Variants in MTRES1 observed in about 807,000 individuals in gnomAD.
MTRES1 encodes the protein uncharacterized protein C6orf203.
MTRES1 carries 11 observed loss-of-function variants against 17.4 expected under a neutral mutation model. That is an observed-to-expected ratio of 0.63 (90% CI 0.40 to 1.05). The LOEUF is 1.05. Ranked by LOEUF, MTRES1 falls within the 50% of genes least tolerant of loss-of-function variation. The pLI, the probability that MTRES1 is intolerant of heterozygous loss-of-function variation, is 0.00. For synonymous variants in MTRES1, 94 were observed against 99.6 expected, an observed-to-expected ratio of 0.94 and a Z score of 0.34; for missense variants, 268 against 276.2, an observed-to-expected ratio of 0.97 and a Z score of 0.21.
chr6:107,032,926 C>T lies in MTRES1; in HGVS notation c.-13+4655C>T, dbSNP rs565084803. Among the ~76,000 whole-genome samples the T allele has an allele frequency of 5.9e-5, 9 of 152,240 alleles. No individual in the cohort carries two copies. In the South Asian group the frequency reaches 6.2e-4, roughly 11 times the overall value. On this transcript the variant is annotated intron_variant, in intron 1 of 3. Coordinates refer to ENST00000311381, the MANE Select transcript of MTRES1 (RefSeq NM_016487.5). ...CAGCTGGTGCAGGGTTCAGCCTCCCCGGACCTGCTTTCACATCTGTGCCCT... is the reference window on the plus strand; with the variant it reads ...CAGCTGGTGCAGGGTTCAGCCTCCCTGGACCTGCTTTCACATCTGTGCCCT...
intron 1 of MTRES1, among the ~76,000 whole-genome samples, chr6:107,032,886 C>T (rs1773890275): frequency 6.6e-6 from 1 of 152,118 alleles, no homozygotes; most frequent in African/African-American, 2.4e-5. Context: ...TTGTAGGCAT[C>T]CTTGCTCTGC....
At chr6:107,030,674 C>T (rs951302803) in intron 1 of MTRES1, among the ~76,000 whole-genome samples, 3 of 152,080 alleles carry the variant, frequency 2.0e-5, no homozygotes, top group Non-Finnish European at 4.4e-5. Context: ...CCAAAATTTC[C>T]GCCGCCCAGA....
At chr6:107,040,309 A>G (rs1774159571) in intron 2 of MTRES1, 79 bp downstream of exon 2, 4 of 1,323,094 alleles carry the variant, frequency 3.0e-6, no homozygotes, top group African/African-American at 3.0e-5. Context: ...CACTTGGCCC[A>G]TATTATGGTG....
intron 3 of MTRES1, 130 bp from the exon 4 acceptor site, chr6:107,050,927 G>C: frequency 2.7e-6 from 2 of 739,376 alleles, no homozygotes; most frequent in Non-Finnish European, 4.6e-6. Context: ...CAGTGACTAA[G>C]GTCAGGGCCT....
chr6:107,030,019 T>C (rs1773783391), intron 1 of MTRES1: 3 of 709,538 alleles, frequency 4.2e-6, no homozygotes, highest in Non-Finnish European at 7.8e-6. Context: ...CTGTTTCCCC[T>C]ACTAGACTAT....
At chr6:107,049,653 T>C (rs1774523854) in intron 3 of MTRES1, among the ~76,000 whole-genome samples, 1 of 150,844 alleles carries the variant, frequency 6.6e-6, no homozygotes, top group African/African-American at 2.4e-5. Context: ...GACCTTATGA[T>C]CTGCCCACCT....
At chr6:107,040,948 T>A (rs149790694) in intron 2 of MTRES1, 1 of 151,812 alleles carries the variant, frequency 6.6e-6, no homozygotes, top group East Asian at 1.9e-4. Flanking sequence ...ACGCTTTGGC[T>A]GGGCGCAGTG....
intron 1 of MTRES1, chr6:107,030,171 G>A: frequency 1.4e-6 from 1 of 718,492 alleles, no homozygotes; most frequent in Non-Finnish European, 2.6e-6. Context: ...GAGTCAAATT[G>A]GCAGATGAGG....
At chr6:107,036,148 C>T (rs1047974157) in intron 1 of MTRES1, among the ~76,000 whole-genome samples, 2 of 151,960 alleles carry the variant, frequency 1.3e-5, no homozygotes, top group African/African-American at 4.8e-5. Context: ...AACACTGGGC[C>T]GTGGCTATAC....
intron 1 of MTRES1, among the ~76,000 whole-genome samples, chr6:107,037,640 T>C (rs1774056157): frequency 6.6e-6 from 1 of 152,294 alleles, no homozygotes; most frequent in Non-Finnish European, 1.5e-5. Flanking sequence ...AAAGTAATTA[T>C]TGGCAACATT....
intron 2 of MTRES1, among the ~76,000 whole-genome samples, chr6:107,041,204 G>A (rs9486503): frequency 6.2e-4 from 91 of 147,430 alleles, no homozygotes; most frequent in Non-Finnish European, 8.9e-4. Context: ...CAGCCTGGGC[G>A]ACAGAGCAAG....
intron 2 of MTRES1, among the ~76,000 whole-genome samples, chr6:107,043,059 C>T (rs542828159): frequency 3.0e-4 from 45 of 150,930 alleles, no homozygotes; most frequent in Middle Eastern, 3.4e-3. Flanking sequence ...GGGCCGGGTG[C>T]GGTGGCTCAC....
chr6:107,030,524 C>T (rs1773800783), intron 1 of MTRES1, among the ~76,000 whole-genome samples: 1 of 152,204 alleles, frequency 6.6e-6, no homozygotes. Flanking sequence ...TCTAAGAGTC[C>T]TCTCCTAGTG....
At chr6:107,033,199 A>G (rs1773899324) in intron 1 of MTRES1, among the ~76,000 whole-genome samples, 1 of 152,140 alleles carries the variant, frequency 6.6e-6, no homozygotes, top group African/African-American at 2.4e-5. Flanking sequence ...CCCTATCACT[A>G]CACTTAGAGT....
At chr6:107,042,732 GGGAA>G in intron 2 of MTRES1, among the ~76,000 whole-genome samples, 1 of 152,122 alleles carries the variant, frequency 6.6e-6, no homozygotes, top group Non-Finnish European at 1.5e-5. Context: ...GGTGTCTGAG[GGGAA>G]GGAAGTGCCC....
intron 1 of MTRES1, 96 bp downstream of exon 1, chr6:107,028,367 C>T (rs1773708742): frequency 6.6e-6 from 1 of 152,360 alleles, no homozygotes; most frequent in Non-Finnish European, 1.5e-5. Context: ...GCCGGGTCTC[C>T]CCGTGAGTGT....
rs1554228152 is a variant in MTRES1 at position 107,044,280 on chromosome 6, A to G, written c.491A>G (p.Tyr164Cys). The change falls in exon 3 of 4, where the codon TAC becomes TGC. Residue 164 changes from tyrosine to cysteine, a missense_variant. Coordinates refer to ENST00000311381, the MANE Select transcript of MTRES1 (RefSeq NM_016487.5). Reference protein sequence around the residue: ...IGRNKVEDAFYKGELRLNEEK... With the variant: ...IGRNKVEDAFCKGELRLNEEK... ...TGTAGCAAAGTGGAAGATGCTTTCT[A>G]CAAAGGTGAACTCAGGCTGAATGAG... The G allele has an allele frequency of 1.2e-6, 2 of 1,614,016 alleles. No homozygotes were observed. Among genetic ancestry groups the G allele is most frequent in the South Asian group, 1.1e-5 (1 of 91,066 alleles).
chr6:107,039,352 T>A (rs1430665859), intron 1 of MTRES1, among the ~76,000 whole-genome samples: 1 of 152,016 alleles, frequency 6.6e-6, no homozygotes, highest in Non-Finnish European at 1.5e-5. Flanking sequence ...GTGGTTTCTC[T>A]CTTGTTGCCT....
At chr6:107,049,277 GTGGTCCACACA>G (rs1415204213) in intron 3 of MTRES1, among the ~76,000 whole-genome samples, 1 of 152,120 alleles carries the variant, frequency 6.6e-6, no homozygotes, top group African/African-American at 2.4e-5. Flanking sequence ...CTTACTGTCA[GTGGTCCACACA>G]TGGGCTTGCT....
Sources: allele counts gnomAD v4.1 joint callset (sites outside exome capture counted in the v4.1 genomes callset), GRCh38; gene constraint gnomAD v4.1.1; transcripts MANE v1.5; gene names NCBI Gene and HGNC (gene_info 2026-07-23, HGNC 2026-07-21).